The following LEMD2 variants were observed in gnomAD, a reference collection of about 807,000 sequenced individuals.
LEMD2 encodes the protein LEM domain nuclear envelope protein 2.
LEMD2 carries 34 observed loss-of-function variants against 58.8 expected under a neutral mutation model. The ratio of observed to expected loss-of-function variants is 0.58; its 90% CI spans 0.44 to 0.77. The LOEUF is 0.77. Ranked by LOEUF, LEMD2 falls within the 30% of genes least tolerant of loss-of-function variation. The pLI is 0.00. For synonymous variants in LEMD2, 298 were observed against 308.9 expected (o/e 0.96, Z 0.37); for missense variants, 629 against 717.9 (o/e 0.88, Z 1.42).
intron 5 of LEMD2, chr6:33,779,738 T>A (rs902921343): frequency 5.0e-6 from 1 of 199,844 alleles, no homozygotes; most frequent in Non-Finnish European, 1.0e-5. Context: ...CATCTACAAA[T>A]AAAAACTAGC....
intron 4 of LEMD2, 88 bp from the exon 5 acceptor site, chr6:33,780,267 C>T (rs571806531): frequency 1.4e-5 from 16 of 1,141,614 alleles, no homozygotes; most frequent in Admixed American, 4.0e-5. Context: ...GAAGCCCTCT[C>T]CCGTGTCCTC....
chr6:33,784,799 C>A, intron 2 of LEMD2: 1 of 192,200 alleles, frequency 5.2e-6, no homozygotes, highest in Non-Finnish European at 1.1e-5. Flanking sequence ...GGAAGAGCAA[C>A]TGCTGTCGGA....
chr6:33,788,626 G>A lies in LEMD2; in HGVS notation c.491C>T (p.Ala164Val). The part of the protein sequence containing the change: ...GPGLAARRWW[A>V]ASPAPARLPS... The stretch of plus-strand genomic sequence containing the variant: ...CAGCCGCGCCGGGGCGGGAGACGCT[G>A]CCCACCAGCGGCGGGCCGCGAGACC... The change falls in exon 1 of 9, where the codon GCA becomes GTA. Residue 164 changes from alanine (A) to valine (V), a missense_variant. By Grantham distance (64) the Ala-to-Val change is moderately conservative. Around this residue, in one of 2 missense-constraint regions of LEMD2, gnomAD observed 386 missense variants for 381.1 expected, o/e 1.01. Coordinates refer to ENST00000293760, the MANE Select transcript of LEMD2 (RefSeq NM_181336.4). 7.8e-7 allele frequency: 1 copy of A among 1,274,276 alleles called. No homozygotes were observed. The highest frequency in any genetic ancestry group is 9.9e-7 in the Non-Finnish European group (1 of 1,014,630). The allele number at this position is 1,274,276 out of a possible 1,614,324, so 78.9% of individuals were successfully genotyped here.
Position 33,778,483 on chromosome 6 carries a change from G to A in LEMD2, c.1011-96C>T. ...ACAGGAGGAAGCGAAGGAAAGTGGG[G>A]ACGCAAGGCCTCTACTTGCTTATAG... On this transcript the variant is annotated intron_variant, in intron 5 of 8. Coordinates refer to ENST00000293760, the MANE Select transcript of LEMD2 (RefSeq NM_181336.4). The surrounding 1 kb of genome is among the most constrained non-coding windows in gnomAD (Gnocchi z 4.7). The A allele has an allele frequency of 9.8e-7, 1 of 1,017,542 alleles. No homozygotes were observed. Among genetic ancestry groups the A allele is most frequent in the Non-Finnish European group, 1.4e-6 (1 of 728,716 alleles). 63.0% of individuals were successfully genotyped at this position (1,017,542 alleles called of 1,614,324 possible).
intron 3 of LEMD2, among the ~76,000 whole-genome samples, chr6:33,784,028 T>G (rs1767620843): frequency 6.6e-6 from 1 of 152,190 alleles, no homozygotes; most frequent in Admixed American, 6.5e-5. Context: ...GCTTGGCCCC[T>G]TCCCATGCCA....
chr6:33,779,422 A>C (rs1427109412), intron 5 of LEMD2: 1 of 152,154 alleles, frequency 6.6e-6, no homozygotes, highest in Non-Finnish European at 1.5e-5. Flanking sequence ...AGACGTTTTA[A>C]TATCAAGAGC....
Position 33,771,966 on chromosome 6 carries a change from C to CT in LEMD2, c.*661dup, listed in dbSNP as rs1428356333. On this transcript the variant is annotated 3_prime_UTR_variant, in exon 9 of 9. Transcript: ENST00000293760. ...CCCGCCCTGGGGCTGCCCGACCCTC[C>CT]TCTCTGCTCTCAGCCCCAGTCCCTA... The CT allele has an allele frequency of 2.0e-5, 3 of 152,370 alleles. No individual in the cohort carries two copies. The highest frequency in any genetic ancestry group is 2.9e-5 in the Non-Finnish European group (2 of 68,102). 9.4% of individuals were successfully genotyped at this position (152,370 alleles called of 1,614,324 possible).
chr6:33,772,840 C>CCT, intron 8 of LEMD2, 62 bp from the exon 9 acceptor site: 3 of 1,478,352 alleles, frequency 2.0e-6, no homozygotes, highest in Non-Finnish European at 2.8e-6. Context: ...TGTGGATGCC[C>CCT]CTCCTACAAA....
Position 33,772,681 on chromosome 6 carries a change from T to C in LEMD2, c.1459A>G (p.Met487Val). 2 of 1,614,096 alleles carry C rather than the reference T, an allele frequency of 1.2e-6. No homozygotes were observed. The highest frequency in any genetic ancestry group is 1.7e-6 in the Non-Finnish European group (2 of 1,180,018). The change falls in exon 9 of 9, where the codon ATG (methionine) becomes GTG (valine). Residue 487 changes from methionine (M) to valine (V), a missense_variant. Met to Val is a conservative substitution (Grantham distance 21). Around this residue, in one of 2 missense-constraint regions of LEMD2, gnomAD observed 243 missense variants for 336.8 expected, o/e 0.72. Transcript: ENST00000293760. ...TESHRVAGEDMLVWRWTKPSS... is the reference protein window; with the variant it reads ...TESHRVAGEDVLVWRWTKPSS... ...GGCTTAGTCCATCTCCACACCAGCA[T>C]GTCCTCTCCTGCAACGCGGTGGGAC... is the stretch of plus-strand genomic sequence containing the variant.
intron 8 of LEMD2, among the ~76,000 whole-genome samples, chr6:33,773,595 G>GGGC (rs386406646): frequency 4.2e-5 from 1 of 23,930 alleles, no homozygotes; most frequent in Non-Finnish European, 1.1e-4. Flanking sequence ...GTCAGGAGGC[G>GGGC]GGGGGGGGGC....
intron 8 of LEMD2, chr6:33,776,700 T>C: frequency 3.9e-6 from 2 of 514,602 alleles, no homozygotes; most frequent in Admixed American, 6.4e-5. Context: ...GCCTCCTAAC[T>C]GGTATCACCA....
chr6:33,778,610 C>T lies in LEMD2; in HGVS notation c.1011-223G>A, dbSNP rs116917906. Reference sequence around the variant, plus strand: ...GACGGCAGCAGGCTTGAACCCCTACCGCTAAAGCAACGTCCCCCTGTCAGG... The same window carrying T: ...GACGGCAGCAGGCTTGAACCCCTACTGCTAAAGCAACGTCCCCCTGTCAGG... On this transcript the variant is annotated intron_variant, in intron 5 of 8. Transcript: ENST00000293760. The surrounding 1 kb of genome is among the most constrained non-coding windows in gnomAD (Gnocchi z 4.7). 2,256 of 381,080 alleles carry T rather than the reference C, an allele frequency of 5.9e-3. 15 individuals carry two copies. The highest frequency in any genetic ancestry group is 0.014 in the Middle Eastern group (22 of 1,520). The allele number at this position is 381,080 out of a possible 1,614,324, so 23.6% of individuals were successfully genotyped here.
chr6:33,784,640 A>C (rs2127382449), intron 2 of LEMD2: 1 of 510,332 alleles, frequency 2.0e-6, no homozygotes, highest in East Asian at 3.2e-5. Flanking sequence ...CTGGAGAAGC[A>C]GAGGCAAAGC....
intron 2 of LEMD2, among the ~76,000 whole-genome samples, chr6:33,785,560 T>G (rs1450077345): frequency 6.6e-6 from 1 of 152,238 alleles, no homozygotes; most frequent in Non-Finnish European, 1.5e-5. Context: ...CTGATTCATT[T>G]AGAGATGTGA....
At chr6:33,786,482 G>A (rs1463027379) in intron 2 of LEMD2, among the ~76,000 whole-genome samples, 2 of 152,176 alleles carry the variant, frequency 1.3e-5, no homozygotes, top group Admixed American at 6.5e-5. Context: ...CAAAGTCCCC[G>A]ATGCTACATT....
intron 4 of LEMD2, 136 bp from the exon 5 acceptor site, chr6:33,780,315 A>G (rs1767537009): frequency 1.3e-6 from 1 of 755,714 alleles, no homozygotes; most frequent in Non-Finnish European, 2.3e-6. Context: ...AAGCACAGCA[A>G]AGTGGCAGGA....
chr6:33,778,621 C>A lies in LEMD2; in HGVS notation c.1011-234G>T. 1 of 369,014 alleles carries A rather than the reference C, an allele frequency of 2.7e-6. No homozygotes were observed. The highest frequency in any genetic ancestry group is 4.8e-6 in the Non-Finnish European group (1 of 207,416). The allele number at this position is 369,014 out of a possible 1,614,324, so 22.9% of individuals were successfully genotyped here. A position where few individuals can be genotyped will look rare whatever the true frequency, so the allele number is the denominator to read the frequency against. ...GCTTGAACCCCTACCGCTAAAGCAA[C>A]GTCCCCCTGTCAGGTCTTTGACAGC... On this transcript the variant is annotated intron_variant, in intron 5 of 8. Transcript: ENST00000293760. This position sits in a 1 kb window ranked among gnomAD's most constrained non-coding sequence, Gnocchi z 4.7.
In LEMD2 at chr6:33,789,046, G is replaced by A. The variant is rs1324202385; in HGVS notation, c.71C>T (p.Thr24Ile). The A allele has an allele frequency of 6.4e-7, 1 of 1,557,396 alleles. No homozygotes were observed. Among genetic ancestry groups the A allele is most frequent in the Non-Finnish European group, 8.6e-7 (1 of 1,158,960 alleles). The change falls in exon 1 of 9, where the codon ACC (threonine) becomes ATC (isoleucine). Residue 24 changes from threonine (T) to isoleucine (I), a missense_variant. Around this residue, in one of 2 missense-constraint regions of LEMD2, gnomAD observed 386 missense variants for 381.1 expected, o/e 1.01. Transcript: ENST00000293760. ...GCGGTAGACATCCCGGGTGGTGTCG[G>A]TGATGGGTCCTGGCTGGAAGCCCAG... The part of the protein sequence containing the change: ...QALGFQPGPI[T>I]DTTRDVYRNK...
Position 33,778,252 on chromosome 6 carries a change from G to T in LEMD2, c.1146C>A (p.Ile382=). ...ALLTAVTNVL[I]FFWCLAFLWG... is the part of the protein sequence containing the mutation. ...CGGCCGAGGACTTACACCAGAAGAA[G>T]ATGAGCACGTTGGTGACAGCAGTGA... Residue 382 remains isoleucine (I), a synonymous_variant, in exon 6 of 9, where the codon ATC becomes ATA. Transcript: ENST00000293760. The surrounding 1 kb of genome is among the most constrained non-coding windows in gnomAD (Gnocchi z 4.7). The T allele has an allele frequency of 6.3e-7, 1 of 1,597,748 alleles. No individual in the cohort carries two copies. Among genetic ancestry groups the T allele is most frequent in the Non-Finnish European group, 8.5e-7 (1 of 1,171,038 alleles).
Sources: allele counts gnomAD v4.1 joint callset (sites outside exome capture counted in the v4.1 genomes callset), GRCh38; gene constraint gnomAD v4.1.1; regional missense constraint gnomAD v4.1.1; non-coding constraint Gnocchi (gnomAD v3.1); transcripts MANE v1.5; gene names NCBI Gene and HGNC (gene_info 2026-07-23, HGNC 2026-07-21).